The following IL18 variants were observed in gnomAD, a reference collection of about 807,000 sequenced individuals.
IL18 encodes the protein interleukin 18.
In IL18, 8 loss-of-function variants were observed where a neutral mutation model predicts 14.2. The ratio of observed to expected loss-of-function variants is 0.56; its 90% CI spans 0.33 to 1.01. IL18 has a LOEUF of 1.01. Among genes scored for constraint, IL18 ranks in the 50% least tolerant of loss-of-function variants. IL18 has a pLI of 0.03. For synonymous variants in IL18, 67 were observed against 71.0 expected (o/e 0.94, Z 0.28); for missense variants, 166 against 231.1 (o/e 0.72, Z 1.83).
At chr11:112,163,409 T>C (rs557989362) in intron 1 of IL18, among the ~76,000 whole-genome samples, 1 of 152,350 alleles carries the variant, frequency 6.6e-6, no homozygotes, top group South Asian at 2.1e-4. Context: ...CTAATAATTC[T>C]AAGACGTAAT....
At chr11:112,150,232 A>T (rs1866414624) in intron 3 of IL18, 26 bp from the exon 4 acceptor site, 4 of 1,428,026 alleles carry the variant, frequency 2.8e-6, no homozygotes, top group East Asian at 2.3e-5. Context: ...AATCTCATTT[A>T]AAAATACATA....
chr11:112,152,767 T>A (rs957549696), intron 3 of IL18, among the ~76,000 whole-genome samples: 3 of 152,062 alleles, frequency 2.0e-5, no homozygotes, highest in Non-Finnish European at 4.4e-5. Context: ...AAGTTGGGGG[T>A]CCCAATATCA....
chr11:112,150,390 C>A, intron 3 of IL18, 184 bp from the exon 4 acceptor site: 1 of 528,544 alleles, frequency 1.9e-6, no homozygotes. Flanking sequence ...TTCTTGTTAC[C>A]ATTCAGAACT....
rs150159796 is a variant in IL18 at position 112,161,519 on chromosome 11, C to T, written c.-9+2387G>A. Among the ~76,000 whole-genome samples the T allele has an allele frequency of 3.3e-5, 5 of 152,318 alleles. No homozygotes were observed. The East Asian group carries it at 9.6e-4, about 29-fold the overall frequency. ...AAGAGTTTAAAAACATACTATTAGG[C>T]TGGGCACGGTGGCTTATGCCTGTAA... On this transcript the variant is annotated intron_variant, in intron 1 of 5. Transcript: ENST00000280357.
At chr11:112,154,448 C>G (rs1338065663) in intron 2 of IL18, among the ~76,000 whole-genome samples, 1 of 151,710 alleles carries the variant, frequency 6.6e-6, no homozygotes, top group African/African-American at 2.4e-5. Context: ...ATTGCTTGAA[C>G]CCAGGAGGTG....
chr11:112,148,406 G>C (rs1866377697), intron 5 of IL18, among the ~76,000 whole-genome samples, 197 bp downstream of exon 5: 1 of 152,138 alleles, frequency 6.6e-6, no homozygotes, highest in Non-Finnish European at 1.5e-5. Flanking sequence ...AATAGGTAAA[G>C]AGTTTGATAA....
intron 5 of IL18, among the ~76,000 whole-genome samples, chr11:112,147,116 G>C (rs1866357596): frequency 6.6e-6 from 1 of 151,940 alleles, no homozygotes; most frequent in African/African-American, 2.4e-5. Flanking sequence ...TTTTAGTAGA[G>C]ATGGGGTTTC....
chr11:112,146,040 T>C (rs1866336750), intron 5 of IL18, among the ~76,000 whole-genome samples: 1 of 150,644 alleles, frequency 6.6e-6, no homozygotes, highest in South Asian at 2.1e-4. Context: ...TTTCTTTTTT[T>C]TTTTTTTTTT....
chr11:112,158,521 G>GTTTTTTTTTTTT (rs71060226), intron 1 of IL18, among the ~76,000 whole-genome samples: 2,759 of 104,766 alleles, frequency 0.026, 124 homozygotes, highest in Non-Finnish European at 0.03. Flanking sequence ...TTTATTTGGA[G>GTTTTTTTTTTTT]TTTTTTTTTT....
At chr11:112,156,900 C>T (rs1051193149) in intron 1 of IL18, among the ~76,000 whole-genome samples, 3 of 150,954 alleles carry the variant, frequency 2.0e-5, no homozygotes, top group Non-Finnish European at 3.0e-5. Flanking sequence ...AGAATTATCA[C>T]CTAGTTTTTT....
chr11:112,148,786 A>G (rs1592809279), intron 4 of IL18, 50 bp from the exon 5 acceptor site: 1 of 1,242,290 alleles, frequency 8.0e-7, no homozygotes, highest in South Asian at 2.0e-5. Context: ...ATTCTTGCAC[A>G]GGAACATTTG....
intron 2 of IL18, among the ~76,000 whole-genome samples, chr11:112,153,967 T>A (rs1235414236): frequency 6.6e-6 from 1 of 152,122 alleles, no homozygotes; most frequent in Non-Finnish European, 1.5e-5. Context: ...ATGAAGGTTT[T>A]TTTTTGTGTG....
chr11:112,144,540 C>A (rs1413269383), intron 5 of IL18, among the ~76,000 whole-genome samples: 1 of 152,242 alleles, frequency 6.6e-6, no homozygotes, highest in Non-Finnish European at 1.5e-5. Context: ...AGCCACCATG[C>A]CTGGCCTGGC....
intron 1 of IL18, among the ~76,000 whole-genome samples, chr11:112,155,935 G>C (rs1866523592): frequency 1.3e-5 from 2 of 152,156 alleles, no homozygotes; most frequent in Admixed American, 6.5e-5. Context: ...AGTAGTACTT[G>C]TGACTCTGTC....
intron 5 of IL18, 145 bp from the exon 6 acceptor site, chr11:112,143,962 C>G (rs1480059585): frequency 1.7e-6 from 1 of 599,728 alleles, no homozygotes; most frequent in Non-Finnish European, 2.9e-6. Context: ...AACAGCAGTA[C>G]TGACCTCCTC....
At chr11:112,153,673 T>C in intron 2 of IL18, 70 bp from the exon 3 acceptor site, 1 of 1,156,172 alleles carries the variant, frequency 8.6e-7, no homozygotes, top group Non-Finnish European at 1.3e-6. Flanking sequence ...TCAATCTCAT[T>C]CTAGCTTTTA....
At chr11:112,144,741 C>G (rs936467419) in intron 5 of IL18, among the ~76,000 whole-genome samples, 2 of 152,238 alleles carry the variant, frequency 1.3e-5, no homozygotes, top group Non-Finnish European at 2.9e-5. Context: ...GTCTTCCTGC[C>G]AAGCACTCCA....
chr11:112,158,588 A>G (rs992529338), intron 1 of IL18, among the ~76,000 whole-genome samples: 1 of 132,614 alleles, frequency 7.5e-6, no homozygotes, highest in African/African-American at 2.9e-5. Flanking sequence ...TCATATATAA[A>G]ATTATTTAAA....
At chr11:112,162,881 A>C (rs189667) in intron 1 of IL18, among the ~76,000 whole-genome samples, 1 of 151,938 alleles carries the variant, frequency 6.6e-6, no homozygotes, top group South Asian at 2.1e-4. Context: ...AGATTTGGCT[A>C]TCCTGGGCTC....
Sources: gnomAD v4.1 joint callset for allele counts (sites outside exome capture counted in the v4.1 genomes callset) on GRCh38, gnomAD v4.1.1 for gene constraint, MANE v1.5 for transcripts, NCBI Gene and HGNC (gene_info 2026-07-23, HGNC 2026-07-21) for gene names.